CDH4: variants seen among roughly 807,000 people sequenced by gnomAD.
The protein encoded by CDH4 is cadherin-4.
CDH4 carries 33 observed loss-of-function variants against 86.0 expected under a neutral mutation model. The ratio of observed to expected loss-of-function variants is 0.38; its 90% CI spans 0.29 to 0.51. CDH4 has a LOEUF of 0.51. CDH4 is among the 20% of genes least tolerant of loss of function. The probability of loss-of-function intolerance (pLI) is 0.86; values close to 1 mark genes in which losing one functional copy is unlikely to be tolerated. For synonymous variants in CDH4, 555 were observed against 549.4 expected (o/e 1.01, Z -0.14); for missense variants, 1,114 against 1,307.4 (o/e 0.85, Z 2.28).
intron 4 of CDH4, among the ~76,000 whole-genome samples, chr20:61,802,221 C>G (rs1035034331): frequency 2.6e-5 from 4 of 152,202 alleles, no homozygotes; most frequent in African/African-American, 9.7e-5. Flanking sequence ...CCAGAAAGGG[C>G]GCTACACACC....
At chr20:61,436,142 T>G (rs1253332914) in intron 2 of CDH4, among the ~76,000 whole-genome samples, 1 of 152,226 alleles carries the variant, frequency 6.6e-6, no homozygotes, top group Non-Finnish European at 1.5e-5. Flanking sequence ...CTCGACTAGG[T>G]CAGGACCTCC....
At chr20:61,764,752 T>A (rs2088679230) in intron 3 of CDH4, among the ~76,000 whole-genome samples, 1 of 152,212 alleles carries the variant, frequency 6.6e-6, no homozygotes, top group Non-Finnish European at 1.5e-5. Flanking sequence ...CTTCGGCTTC[T>A]AACATCACTC....
Position 61,296,277 on chromosome 20 carries a change from G to A in CDH4, c.169+41340G>A, listed in dbSNP as rs28521698. Among the ~76,000 whole-genome samples the A allele has an allele frequency of 7.5e-3, 250 of 33,302 alleles. 1 individual carries two copies. The highest frequency in any genetic ancestry group is 0.019 in the Middle Eastern group (1 of 54). 21.8% of individuals were successfully genotyped at this position (33,302 alleles called of 152,430 possible). A position where few individuals can be genotyped will look rare whatever the true frequency, so the allele number is the denominator to read the frequency against. ...TGCATGTGTGCGTGTGTGTGTGTGC[G>A]TGGGTGCGTGTGTGTGTGTGCGTGG... On this transcript the variant is annotated intron_variant, in intron 2 of 15. Coordinates refer to ENST00000614565, the MANE Select transcript of CDH4 (RefSeq NM_001794.5).
At chr20:61,312,817 C>CAAGCTTGTGGGACGGGA (rs1399222547) in intron 2 of CDH4, among the ~76,000 whole-genome samples, 2 of 152,216 alleles carry the variant, frequency 1.3e-5, no homozygotes, top group African/African-American at 2.4e-5. Flanking sequence ...GGACGGGACA[C>CAAGCTTGTGGGACGGGA]CAAAGTGCCT....
In CDH4 at chr20:61,753,975, A is replaced by G. The variant is rs552129725; in HGVS notation, c.396+10186A>G. ...AAGTGATTAGCGTGGGCCCTGATGCAGTAGGACTGTGTCCTTATAGAAGGG... is the reference window on the plus strand; with the variant it reads ...AAGTGATTAGCGTGGGCCCTGATGCGGTAGGACTGTGTCCTTATAGAAGGG... On this transcript the variant is annotated intron_variant, in intron 3 of 15. Coordinates refer to ENST00000614565, the MANE Select transcript of CDH4 (RefSeq NM_001794.5). Among the ~76,000 whole-genome samples, 11 of 152,284 alleles carry G rather than the reference A, an allele frequency of 7.2e-5. No homozygotes were observed. The East Asian group carries it at 2.1e-3, about 29-fold the overall frequency.
intron 4 of CDH4, among the ~76,000 whole-genome samples, chr20:61,808,261 A>C (rs1980244662): frequency 6.6e-6 from 1 of 152,106 alleles, no homozygotes; most frequent in Non-Finnish European, 1.5e-5. Context: ...CCTCACTTCC[A>C]GAACCCCACT....
intron 2 of CDH4, among the ~76,000 whole-genome samples, chr20:61,615,981 C>T (rs1416804512): frequency 3.3e-5 from 5 of 152,228 alleles, no homozygotes; most frequent in Non-Finnish European, 1.5e-5. Context: ...CCCGTGAAGG[C>T]CACGCGATGG....
chr20:61,898,618 A>AG lies in CDH4; in HGVS notation c.1188+3578dup, dbSNP rs552681126. 1.2e-4 allele frequency among the ~76,000 whole-genome samples: 19 copies of AG among 152,176 alleles called. No homozygotes were observed. In the East Asian group the frequency reaches 1.4e-3, roughly 11 times the overall value. The stretch of plus-strand genomic sequence containing the variant: ...ACCCCATCCACACACATGCTCACGG[A>AG]GGGGGGGTCCCCTGGAGTCAGGAAG... On this transcript the variant is annotated intron_variant, in intron 8 of 15. Coordinates refer to ENST00000614565, the MANE Select transcript of CDH4 (RefSeq NM_001794.5).
At chr20:61,368,068 A>G (rs1273523081) in intron 2 of CDH4, among the ~76,000 whole-genome samples, 1 of 151,952 alleles carries the variant, frequency 6.6e-6, no homozygotes, top group African/African-American at 2.4e-5. Context: ...ATGGGGTTTC[A>G]CCATGTTGGT....
intron 13 of CDH4, among the ~76,000 whole-genome samples, chr20:61,932,566 AAC>A (rs754742574): frequency 1.6e-4 from 24 of 149,608 alleles, no homozygotes; most frequent in East Asian, 4.0e-4. Context: ...TACACACATG[AAC>A]ACACGAGCAC....
chr20:61,262,946 C>G (rs1022574900), intron 2 of CDH4, among the ~76,000 whole-genome samples: 1 of 137,730 alleles, frequency 7.3e-6, no homozygotes, highest in Non-Finnish European at 1.6e-5. Flanking sequence ...TAAGTAGATG[C>G]CAGGACTAAT....
intron 2 of CDH4, among the ~76,000 whole-genome samples, chr20:61,722,828 C>T (rs1366400571): frequency 6.6e-6 from 1 of 152,192 alleles, no homozygotes; most frequent in Admixed American, 6.5e-5. Flanking sequence ...ATCACCTCCC[C>T]TCTAGGACTT....
At position 61,910,498 on chromosome 20, in the gene CDH4, A is replaced by C. The variant is rs755256769; in HGVS notation, c.1265A>C (p.His422Pro). The C allele has an allele frequency of 6.2e-7, 1 of 1,613,692 alleles. No homozygotes were observed. Among genetic ancestry groups the C allele is most frequent in the African/African-American group, 1.3e-5 (1 of 74,848 alleles). ...NLTVMDRDQP[H>P]SPNWNAVYRI... ...ACGGTGATGGACCGAGATCAGCCCC[A>C]CTCTCCAAACTGGAATGCCGTTTAC... is the stretch of plus-strand genomic sequence containing the variant. Residue 422 changes from histidine (H) to proline (P), a missense_variant, in exon 9 of 16, where the codon CAC becomes CCC. By Grantham distance (77) the His-to-Pro change is moderately conservative. This residue lies in a region of CDH4 where 705 missense variants were observed against 914.1 expected (regional missense o/e 0.77). Coordinates refer to ENST00000614565, the MANE Select transcript of CDH4 (RefSeq NM_001794.5).
chr20:61,381,394 T>C lies in CDH4; in HGVS notation c.169+126457T>C, dbSNP rs369053162. ...CAGCTGTTTTGGGCTTGTCTTAGCC[T>C]GTGCGGAAATAATTAGTTCATTGCA... On this transcript the variant is annotated intron_variant, in intron 2 of 15. Transcript: ENST00000614565. Among the ~76,000 whole-genome samples the C allele has an allele frequency of 7.3e-4, 111 of 152,366 alleles. 1 individual carries two copies. In the East Asian group the frequency reaches 0.018, roughly 25 times the overall value.
intron 9 of CDH4, among the ~76,000 whole-genome samples, chr20:61,918,148 G>T (rs1378571981): frequency 6.6e-6 from 1 of 152,248 alleles, no homozygotes; most frequent in Non-Finnish European, 1.5e-5. Flanking sequence ...GGTGCAGGCA[G>T]GTGCTGGGAG....
chr20:61,774,036 G>A (rs2145988174), intron 4 of CDH4, among the ~76,000 whole-genome samples: 1 of 152,330 alleles, frequency 6.6e-6, no homozygotes. Context: ...CCAGGGAGCA[G>A]CCAAAATGAC....
intron 2 of CDH4, chr20:61,740,356 G>C (rs1433864176): frequency 1.3e-5 from 2 of 152,208 alleles, no homozygotes; most frequent in South Asian, 4.1e-4. Flanking sequence ...CAAAGTGTTA[G>C]TAACATTCTG....
In CDH4 at chr20:61,817,902, G is replaced by C. The variant is rs191620451; in HGVS notation, c.577-26766G>C. Reference sequence around the variant, plus strand: ...GGTTCTGAGCAGCAGCAGGACACACGCTGAGCTCACAGTTGGGACTTCTTG... The same window carrying C: ...GGTTCTGAGCAGCAGCAGGACACACCCTGAGCTCACAGTTGGGACTTCTTG... On this transcript the variant is annotated intron_variant, in intron 4 of 15. Transcript: ENST00000614565. 2.0e-3 allele frequency among the ~76,000 whole-genome samples: 298 copies of C among 152,358 alleles called. 4 individuals are homozygous for C. Among genetic ancestry groups the C allele is most frequent in the African/African-American group, 6.9e-3 (289 of 41,588 alleles).
chr20:61,735,660 T>C (rs8126047), intron 2 of CDH4, among the ~76,000 whole-genome samples: 43,857 of 152,222 alleles, frequency 0.29, 6,497 homozygotes, highest in East Asian at 0.45. Flanking sequence ...TGCTCCCTGA[T>C]GATGGTGCCC....
Sources: allele counts gnomAD v4.1 joint callset (sites outside exome capture counted in the v4.1 genomes callset), GRCh38; gene constraint gnomAD v4.1.1; regional missense constraint gnomAD v4.1.1; transcripts MANE v1.5; gene names NCBI Gene and HGNC (gene_info 2026-07-23, HGNC 2026-07-21).